DIAPH3: variants seen among roughly 807,000 people sequenced by gnomAD.
DIAPH3 encodes the protein protein diaphanous homolog 3.
Under a neutral mutation model 144.3 loss-of-function variants are expected in DIAPH3, and 117 were observed. The ratio of observed to expected loss-of-function variants is 0.81; its 90% confidence interval spans 0.70 to 0.95. DIAPH3 has a LOEUF of 0.95. Among genes scored for constraint, DIAPH3 ranks in the 40% least tolerant of loss-of-function variants. DIAPH3 has a pLI of 0.00. For missense variants in DIAPH3, 1,421 were observed against 1,412.7 expected (o/e 1.01, Z -0.09); for synonymous variants, 519 against 488.9 (o/e 1.06, Z -0.81).
At chr13:60,098,925 G>A (rs920030499) in intron 3 of DIAPH3, among the ~76,000 whole-genome samples, 2 of 152,108 alleles carry the variant, frequency 1.3e-5, no homozygotes, top group African/African-American at 4.8e-5. Context: ...TAATCTGAAT[G>A]AGGTTAAAAT....
At chr13:60,083,547 G>A (rs528794907) in intron 4 of DIAPH3, among the ~76,000 whole-genome samples, 11 of 152,062 alleles carry the variant, frequency 7.2e-5, no homozygotes, top group South Asian at 6.2e-4. Flanking sequence ...AGGAAAACAC[G>A]TTAACTTTAC....
chr13:59,974,600 A>G (rs1686884096), intron 14 of DIAPH3, 144 bp from the exon 15 acceptor site: 1 of 777,524 alleles, frequency 1.3e-6, no homozygotes, highest in Non-Finnish European at 2.1e-6. Flanking sequence ...AGAGTTTTGA[A>G]AAGTCACTTA....
At chr13:60,089,255 A>G (rs946075275) in intron 4 of DIAPH3, among the ~76,000 whole-genome samples, 4 of 152,196 alleles carry the variant, frequency 2.6e-5, no homozygotes, top group African/African-American at 9.6e-5. Context: ...CTATTAGGAT[A>G]TATCTTCCAT....
intron 5 of DIAPH3, among the ~76,000 whole-genome samples, chr13:60,017,456 A>G (rs1281085368): frequency 6.6e-6 from 1 of 152,094 alleles, no homozygotes; most frequent in Non-Finnish European, 1.5e-5. Flanking sequence ...TAAAGAATAA[A>G]AACAAGCTTA....
chr13:59,671,342 G>A (rs1362036082), intron 27 of DIAPH3, among the ~76,000 whole-genome samples: 15 of 152,160 alleles, frequency 9.9e-5, no homozygotes, highest in Admixed American at 9.8e-4. Flanking sequence ...GGTAAGGCTG[G>A]GGTATCAATA....
At chr13:60,024,790 A>C (rs755464858) in intron 5 of DIAPH3, among the ~76,000 whole-genome samples, 2 of 152,200 alleles carry the variant, frequency 1.3e-5, no homozygotes, top group Admixed American at 6.5e-5. Context: ...GCACCACCTC[A>C]TTACTGCAAG....
intron 22 of DIAPH3, among the ~76,000 whole-genome samples, chr13:59,846,080 G>A (rs2042614832): frequency 6.6e-6 from 1 of 151,930 alleles, no homozygotes; most frequent in South Asian, 2.1e-4. Context: ...ATACACCAGA[G>A]GTGTTAAAGA....
chr13:60,005,525 G>A (rs1285586872), intron 9 of DIAPH3, among the ~76,000 whole-genome samples: 1 of 151,928 alleles, frequency 6.6e-6, no homozygotes, highest in Non-Finnish European at 1.5e-5. Flanking sequence ...CTGTTGCCCA[G>A]GCTGGAGTGC....
At chr13:59,917,334 C>T (rs2047268093) in intron 18 of DIAPH3, among the ~76,000 whole-genome samples, 1 of 152,158 alleles carries the variant, frequency 6.6e-6, no homozygotes, top group Admixed American at 6.5e-5. Flanking sequence ...ACCAATCCCT[C>T]TGATATCAAA....
chr13:60,055,376 AAG>A (rs2056515407), intron 4 of DIAPH3, among the ~76,000 whole-genome samples: 1 of 151,934 alleles, frequency 6.6e-6, no homozygotes, highest in Non-Finnish European at 1.5e-5. Context: ...TGCCTTCAAT[AAG>A]AGAGTTGATT....
At chr13:60,129,673 C>T (rs1202479599) in intron 2 of DIAPH3, among the ~76,000 whole-genome samples, 2 of 152,172 alleles carry the variant, frequency 1.3e-5, no homozygotes, top group African/African-American at 2.4e-5. Flanking sequence ...AAAAAAAAGG[C>T]TATTCACATT....
At chr13:59,983,989 T>G in intron 12 of DIAPH3, 102 bp from the exon 13 acceptor site, 6 of 756,392 alleles carry the variant, frequency 7.9e-6, no homozygotes, top group Non-Finnish European at 1.4e-5. Context: ...CAACAATTTA[T>G]TAGTAATATA....
At chr13:60,019,541 A>G (rs2053866822) in intron 5 of DIAPH3, among the ~76,000 whole-genome samples, 1 of 151,982 alleles carries the variant, frequency 6.6e-6, no homozygotes, top group African/African-American at 2.4e-5. Flanking sequence ...ACCCTTCAGC[A>G]TTTCCTAGTA....
chr13:60,109,328 G>A (rs983369155), intron 3 of DIAPH3, among the ~76,000 whole-genome samples: 5 of 152,118 alleles, frequency 3.3e-5, no homozygotes, highest in African/African-American at 7.2e-5. Flanking sequence ...CACAAAGTCC[G>A]TGGTAATTTG....
intron 24 of DIAPH3, among the ~76,000 whole-genome samples, chr13:59,811,968 CATTAT>C (rs1389551196): frequency 3.3e-5 from 5 of 151,826 alleles, no homozygotes; most frequent in African/African-American, 9.7e-5. Context: ...AAGAGAGTAA[CATTAT>C]ATTAAACACC....
intron 27 of DIAPH3, among the ~76,000 whole-genome samples, chr13:59,760,035 G>A (rs1256335314): frequency 6.6e-6 from 1 of 152,196 alleles, no homozygotes; most frequent in African/African-American, 2.4e-5. Flanking sequence ...GTCAAAGGCT[G>A]CAAGTGTAGA....
chr13:59,934,312 T>C (rs1333859673), intron 17 of DIAPH3, among the ~76,000 whole-genome samples: 5 of 152,174 alleles, frequency 3.3e-5, no homozygotes, highest in African/African-American at 1.2e-4. Flanking sequence ...TTATTAAATT[T>C]TACATGTTAA....
intron 27 of DIAPH3, among the ~76,000 whole-genome samples, chr13:59,701,429 A>G (rs1326971408): frequency 6.6e-6 from 1 of 152,164 alleles, no homozygotes. Flanking sequence ...TGCTGCAAAA[A>G]TGCTTGCTTA....
At position 59,666,566 on chromosome 13, in the gene DIAPH3, T is replaced by C. The variant is rs757314523; in HGVS notation, c.*18A>G. ...CTTTATATTTGGCTTAATCATTTTT[T>C]TTAAAAACCAGTTTAACTTATAAAG... On this transcript the variant is annotated 3_prime_UTR_variant, in exon 28 of 28. Transcript: ENST00000400324. 3 of 1,613,702 alleles carry C rather than the reference T, an allele frequency of 1.9e-6. No homozygotes were observed. The highest frequency in any genetic ancestry group is 2.5e-6 in the Non-Finnish European group (3 of 1,179,884).
Sources: allele counts gnomAD v4.1 joint callset (sites outside exome capture counted in the v4.1 genomes callset), GRCh38; gene constraint gnomAD v4.1.1; transcripts MANE v1.5; gene names NCBI Gene and HGNC (gene_info 2026-07-23, HGNC 2026-07-21).